The following HSPA12B variants were observed in gnomAD, a reference collection of about 807,000 sequenced individuals.
The protein encoded by HSPA12B is heat shock protein family A (Hsp70) member 12B.
Under a neutral mutation model 69.3 loss-of-function variants are expected in HSPA12B, and 54 were observed. The ratio of observed to expected loss-of-function variants is 0.78; its 90% CI spans 0.63 to 0.98. The LOEUF is 0.98. HSPA12B is among the 50% of genes least tolerant of loss of function. HSPA12B has a pLI of 0.00. For missense variants in HSPA12B, 929 were observed against 999.8 expected (o/e 0.93, Z 0.96); for synonymous variants, 441 against 436.5 (o/e 1.01, Z -0.13).
Position 3,749,430 on chromosome 20 carries a change from C to T in HSPA12B, c.937+112C>T. 1.0e-6 allele frequency: 1 copy of T among 1,002,848 alleles called. No homozygotes were observed. The highest frequency in any genetic ancestry group is 1.5e-6 in the Non-Finnish European group (1 of 671,796). 62.1% of individuals were successfully genotyped at this position (1,002,848 alleles called of 1,614,324 possible). On this transcript the variant is annotated intron_variant, in intron 9 of 12. Transcript: ENST00000254963. This position sits in a 1 kb window ranked among gnomAD's most constrained non-coding sequence, Gnocchi z 5.5. ...GTCTCTTCCTCCTCCATTCGCTGTACCCAACCTGGCCGTCCCCTCACAGTC... is the reference window on the plus strand; with the variant it reads ...GTCTCTTCCTCCTCCATTCGCTGTATCCAACCTGGCCGTCCCCTCACAGTC...
rs1443666103 is a variant in HSPA12B at position 3,752,111 on chromosome 20, T to G, written c.2006T>G (p.Val669Gly). The G allele has an allele frequency of 6.6e-7, 1 of 1,505,946 alleles. No individual in the cohort carries two copies. Among genetic ancestry groups the G allele is most frequent in the South Asian group, 1.3e-5 (1 of 78,920 alleles). 93.3% of individuals were successfully genotyped at this position (1,505,946 alleles called of 1,614,324 possible). A position where few individuals can be genotyped will look rare whatever the true frequency, so the allele number is the denominator to read the frequency against. Residue 669 changes from valine to glycine, a missense_variant, in exon 13 of 13, where the codon GTC (valine) becomes GGC (glycine). Physicochemically the swap from Val to Gly is moderately radical, Grantham distance 109. Coordinates refer to ENST00000254963, the MANE Select transcript of HSPA12B (RefSeq NM_052970.5). ...FGDTEIKVTA[V>G]DVSTNRSVRA... is the part of the protein sequence containing the mutation. The stretch of plus-strand genomic sequence containing the variant: ...GACACCGAAATTAAGGTCACCGCCG[T>G]CGACGTCAGCACCAATCGCTCCGTG...
chr20:3,738,265 C>T (rs1001740887), intron 1 of HSPA12B, among the ~76,000 whole-genome samples: 1 of 152,176 alleles, frequency 6.6e-6, no homozygotes, highest in Non-Finnish European at 1.5e-5. Context: ...TCCATCAGAC[C>T]GTTGGTTTCT....
chr20:3,749,957 G>T lies in HSPA12B; in HGVS notation c.1043-12G>T. 1 of 1,555,338 alleles carries T rather than the reference G, an allele frequency of 6.4e-7. No homozygotes were observed. The highest frequency in any genetic ancestry group is 8.7e-7 in the Non-Finnish European group (1 of 1,147,798). On this transcript the variant is annotated splice_polypyrimidine_tract_variant and intron_variant, in intron 10 of 12. Transcript: ENST00000254963. This position sits in a 1 kb window ranked among gnomAD's most constrained non-coding sequence, Gnocchi z 5.5. ...AGCGCTGACGCCCTCTTCGCCCCCTGCTCCACCCCAGGGGGCCCTTATGGC... is the reference window on the plus strand; with the variant it reads ...AGCGCTGACGCCCTCTTCGCCCCCTTCTCCACCCCAGGGGGCCCTTATGGC...
chr20:3,746,487 A>G (rs954241324), intron 7 of HSPA12B, among the ~76,000 whole-genome samples: 1 of 151,776 alleles, frequency 6.6e-6, no homozygotes, highest in Non-Finnish European at 1.5e-5. Flanking sequence ...TATTTTTAGT[A>G]GAGACGGGGT....
chr20:3,739,313 CA>C (rs915170694), intron 2 of HSPA12B, among the ~76,000 whole-genome samples: 3 of 151,998 alleles, frequency 2.0e-5, no homozygotes, highest in Non-Finnish European at 4.4e-5. Flanking sequence ...TCTCTGCGGG[CA>C]GGTCTCTGTG....
intron 7 of HSPA12B, among the ~76,000 whole-genome samples, chr20:3,747,602 G>T (rs1225775463): frequency 6.6e-6 from 1 of 152,182 alleles, no homozygotes; most frequent in Non-Finnish European, 1.5e-5. Context: ...TACCCTGAAG[G>T]AAATAACTCC....
chr20:3,745,913 A>G lies in HSPA12B; in HGVS notation c.559-2A>G, dbSNP rs1414405413. ...TCCTCTCACTGCCCCCTCCTGTACC[A>G]GGAGCTGAGGGAGCAGAGCCCATCG... On this transcript the variant is annotated splice_acceptor_variant, in intron 6 of 12. Coordinates refer to ENST00000254963, the MANE Select transcript of HSPA12B (RefSeq NM_052970.5). LOFTEE classifies it high-confidence loss of function. This position sits in a 1 kb window ranked among gnomAD's most constrained non-coding sequence, Gnocchi z 5.6. 6.2e-7 allele frequency: 1 copy of G among 1,613,394 alleles called. No individual in the cohort carries two copies. Among genetic ancestry groups the G allele is most frequent in the Non-Finnish European group, 8.5e-7 (1 of 1,179,496 alleles).
chr20:3,748,165 T>C, intron 7 of HSPA12B, 52 bp from the exon 8 acceptor site: 1 of 1,428,500 alleles, frequency 7.0e-7, no homozygotes. Context: ...AGTGCCATCT[T>C]AGGTGTGACA....
In HSPA12B at chr20:3,752,335, C is replaced by T. The variant is rs1053051843; in HGVS notation, c.*169C>T. On this transcript the variant is annotated 3_prime_UTR_variant, in exon 13 of 13. Coordinates refer to ENST00000254963, the MANE Select transcript of HSPA12B (RefSeq NM_052970.5). ...TCATGGGAGAGTGGGTGGGGACACA[C>T]CCAGAGACTGGCTTTGGGATTGGGC... is the stretch of plus-strand genomic sequence containing the variant. The T allele has an allele frequency of 5.0e-5, 31 of 616,398 alleles. No homozygotes were observed. Among genetic ancestry groups the T allele is most frequent in the Admixed American group, 8.1e-5 (2 of 24,688 alleles). 38.2% of individuals were successfully genotyped at this position (616,398 alleles called of 1,614,324 possible).
chr20:3,744,912 G>A lies in HSPA12B; in HGVS notation c.277G>A (p.Gly93Ser), dbSNP rs564348370. The change falls in exon 5 of 13, where the codon GGC (glycine) becomes AGC (serine). Residue 93 changes from glycine to serine, a missense_variant. Gly to Ser is a moderately conservative substitution (Grantham distance 56, BLOSUM62 0). Around this residue, in one of 3 missense-constraint regions of HSPA12B, gnomAD observed 477 missense variants for 535.2 expected, o/e 0.89. Transcript: ENST00000254963. This position sits in a 1 kb window ranked among gnomAD's most constrained non-coding sequence, Gnocchi z 4.9. ...EAIHMMRKWE[G>S]GDPGVAHQKT... ...CCTGTGCCTCCGCAGGAAATGGGAG[G>A]GCGGAGACCCGGGCGTGGCCCACCA... The A allele has an allele frequency of 5.5e-5, 88 of 1,612,588 alleles. 1 individual carries two copies. The African/African-American group carries it at 7.9e-4, about 14-fold the overall frequency.
At chr20:3,748,425 G>A in intron 8 of HSPA12B, 34 bp downstream of exon 8, 1 of 1,471,730 alleles carries the variant, frequency 6.8e-7, no homozygotes, top group South Asian at 1.3e-5. Flanking sequence ...CCCACCCCTG[G>A]AGGGTCAGAG....
intron 7 of HSPA12B, among the ~76,000 whole-genome samples, chr20:3,746,284 A>G (rs1217281661): frequency 7.0e-6 from 1 of 142,760 alleles, no homozygotes; most frequent in Non-Finnish European, 1.5e-5. Flanking sequence ...CTAAAAGCAG[A>G]GCCCAAGATG....
At position 3,751,770 on chromosome 20, in the gene HSPA12B, C is replaced by T. The variant is rs963319246; in HGVS notation, c.1665C>T (p.Arg555=). The T allele has an allele frequency of 1.4e-5, 21 of 1,526,126 alleles. No homozygotes were observed. The highest frequency in any genetic ancestry group is 1.8e-5 in the Non-Finnish European group (21 of 1,142,502). 94.5% of individuals were successfully genotyped at this position (1,526,126 alleles called of 1,614,324 possible). Reference sequence around the variant, plus strand: ...TGCTCAACCGCTTTGTGCCTGGGCGCCACCCGCCCGAAAAGCTGCTGGTTC... The same window carrying T: ...TGCTCAACCGCTTTGTGCCTGGGCGTCACCCGCCCGAAAAGCTGCTGGTTC... ...VGVLNRFVPG[R]HPPEKLLVRD... Residue 555 remains arginine (R), a synonymous_variant, in exon 13 of 13, where the codon CGC becomes CGT. Coordinates refer to ENST00000254963, the MANE Select transcript of HSPA12B (RefSeq NM_052970.5).
In HSPA12B at chr20:3,740,351, C is replaced by A. The variant is rs2088178500; in HGVS notation, c.44-464C>A. On this transcript the variant is annotated intron_variant, in intron 2 of 12. Coordinates refer to ENST00000254963, the MANE Select transcript of HSPA12B (RefSeq NM_052970.5). This position sits in a 1 kb window ranked among gnomAD's most constrained non-coding sequence, Gnocchi z 4.9. Reference sequence around the variant, plus strand: ...TCCTGATTAGAACCACGTGGCCCAACTTTAGGGTGGAGGGGAGCAACCCCA... The same window carrying A: ...TCCTGATTAGAACCACGTGGCCCAAATTTAGGGTGGAGGGGAGCAACCCCA... Among the ~76,000 whole-genome samples the A allele has an allele frequency of 6.6e-6, 1 of 152,122 alleles. No homozygotes were observed. Among genetic ancestry groups the A allele is most frequent in the South Asian group, 2.1e-4 (1 of 4,828 alleles).
In HSPA12B at chr20:3,740,965, G is replaced by T. The variant is rs909055298; in HGVS notation, c.141+53G>T. 1.2e-5 allele frequency: 18 copies of T among 1,472,620 alleles called. No homozygotes were observed. In the Admixed American group the frequency reaches 2.4e-4, roughly 20 times the overall value. 91.2% of individuals were successfully genotyped at this position (1,472,620 alleles called of 1,614,324 possible). A position where few individuals can be genotyped will look rare whatever the true frequency, so the allele number is the denominator to read the frequency against. ...GGGTGACCTGGCTGGTGTGGACAGGGTCGTGCGTGGCAAAGTCATGACAGG... is the reference window on the plus strand; with the variant it reads ...GGGTGACCTGGCTGGTGTGGACAGGTTCGTGCGTGGCAAAGTCATGACAGG... On this transcript the variant is annotated intron_variant, in intron 3 of 12. Coordinates refer to ENST00000254963, the MANE Select transcript of HSPA12B (RefSeq NM_052970.5). This position sits in a 1 kb window ranked among gnomAD's most constrained non-coding sequence, Gnocchi z 4.9.
rs1374920084 is a variant in HSPA12B at position 3,744,863 on chromosome 20, A to C, written c.267-39A>C. 1.1e-5 allele frequency: 17 copies of C among 1,586,034 alleles called. No homozygotes were observed. The highest frequency in any genetic ancestry group is 4.0e-5 in the African/African-American group (3 of 74,310). On this transcript the variant is annotated intron_variant, in intron 4 of 12. Coordinates refer to ENST00000254963, the MANE Select transcript of HSPA12B (RefSeq NM_052970.5). This position sits in a 1 kb window ranked among gnomAD's most constrained non-coding sequence, Gnocchi z 4.9. ...TTCCCTCTGCCTGGATTCCCACCCAAGAAGGGAGGGTTGCACTGACTGCCC... is the reference window on the plus strand; with the variant it reads ...TTCCCTCTGCCTGGATTCCCACCCACGAAGGGAGGGTTGCACTGACTGCCC...
Position 3,751,662 on chromosome 20 carries a change from C to T in HSPA12B, c.1557C>T (p.Thr519=). 6.6e-7 allele frequency: 1 copy of T among 1,521,058 alleles called. No individual in the cohort carries two copies. The allele number at this position is 1,521,058 out of a possible 1,614,324, so 94.2% of individuals were successfully genotyped here. ...RVVVPHDVGL[T]ILKGAVLFGQ... ...TGGTCCCGCACGACGTGGGCCTCAC[C>T]ATCCTCAAAGGCGCGGTGCTGTTCG... is the stretch of plus-strand genomic sequence containing the variant. Residue 519 remains threonine (T), a synonymous_variant, in exon 13 of 13, where the codon ACC becomes ACT. Transcript: ENST00000254963.
Position 3,740,761 on chromosome 20 carries a change from G to A in HSPA12B, c.44-54G>A, listed in dbSNP as rs1206280485. ...CTTTGGGTGCCTGGCTTGGGGCCCCGCTGCCATACCTACCCTGCTTGTGCC... is the reference window on the plus strand; with the variant it reads ...CTTTGGGTGCCTGGCTTGGGGCCCCACTGCCATACCTACCCTGCTTGTGCC... On this transcript the variant is annotated intron_variant, in intron 2 of 12. Transcript: ENST00000254963. This position sits in a 1 kb window ranked among gnomAD's most constrained non-coding sequence, Gnocchi z 4.9. The A allele has an allele frequency of 1.9e-5, 28 of 1,506,552 alleles. No individual in the cohort carries two copies. Among genetic ancestry groups the A allele is most frequent in the African/African-American group, 2.8e-5 (2 of 72,624 alleles). The allele number at this position is 1,506,552 out of a possible 1,614,324, so 93.3% of individuals were successfully genotyped here.
At chr20:3,743,673 A>G (rs1453516971) in intron 4 of HSPA12B, among the ~76,000 whole-genome samples, 2 of 152,222 alleles carry the variant, frequency 1.3e-5, no homozygotes, top group African/African-American at 2.4e-5. Flanking sequence ...CTAGTATTCC[A>G]TAGTACAGAT....
Sources: allele counts gnomAD v4.1 joint callset (sites outside exome capture counted in the v4.1 genomes callset), GRCh38; gene constraint gnomAD v4.1.1; regional missense constraint gnomAD v4.1.1; non-coding constraint Gnocchi (gnomAD v3.1); transcripts MANE v1.5; gene names NCBI Gene and HGNC (gene_info 2026-07-23, HGNC 2026-07-21).